Variants in YWHAQ observed in about 807,000 individuals in gnomAD.
YWHAQ encodes the protein 14-3-3 protein theta.
Under a neutral mutation model 28.3 loss-of-function variants are expected in YWHAQ, and 6 were observed. The observed-to-expected ratio is 0.21, with a 90% CI of 0.12 to 0.42. The LOEUF (loss-of-function observed/expected upper bound fraction) is 0.42. Among genes scored for constraint, YWHAQ ranks in the 10% least tolerant of loss-of-function variants. The pLI is 1.00. For synonymous variants in YWHAQ, 143 were observed against 119.1 expected, an observed-to-expected ratio of 1.20 and a Z score of -1.31; for missense variants, 201 against 305.6, an observed-to-expected ratio of 0.66 and a Z score of 2.55.
intron 2 of YWHAQ, among the ~76,000 whole-genome samples, chr2:9,607,011 A>G (rs1237234200): frequency 6.6e-6 from 1 of 151,154 alleles, no homozygotes; most frequent in Non-Finnish European, 1.5e-5. Flanking sequence ...CAGCCTCCCA[A>G]GTAGCTGGGA....
At chr2:9,590,139 G>T (rs1666429396) in intron 3 of YWHAQ, among the ~76,000 whole-genome samples, 1 of 152,200 alleles carries the variant, frequency 6.6e-6, no homozygotes, top group African/African-American at 2.4e-5. Flanking sequence ...AGGACTACGT[G>T]TGAGACCTGA....
intron 5 of YWHAQ, 140 bp downstream of exon 5, chr2:9,587,274 T>C (rs745313044): frequency 2.6e-5 from 18 of 685,030 alleles, no homozygotes; most frequent in African/African-American, 2.2e-4. Flanking sequence ...TACAAAATAA[T>C]GTTCGTCCCA....
intron 2 of YWHAQ, among the ~76,000 whole-genome samples, chr2:9,597,827 T>C (rs1027770196): frequency 6.6e-6 from 1 of 151,092 alleles, no homozygotes; most frequent in South Asian, 2.1e-4. Context: ...TTCACTCTTG[T>C]TGCCCAGGCT....
intron 2 of YWHAQ, among the ~76,000 whole-genome samples, chr2:9,594,150 T>A (rs2125063943): frequency 6.6e-6 from 1 of 152,150 alleles, no homozygotes; most frequent in South Asian, 2.1e-4. Context: ...ACACCCAAAT[T>A]AAAGGCAACT....
intron 2 of YWHAQ, among the ~76,000 whole-genome samples, chr2:9,592,721 C>G (rs902307230): frequency 6.6e-6 from 1 of 151,892 alleles, no homozygotes. Context: ...TGGACTCCAT[C>G]TCAAAAAACA....
intron 2 of YWHAQ, among the ~76,000 whole-genome samples, chr2:9,609,507 T>G (rs1330748966): frequency 1.3e-5 from 2 of 152,160 alleles, no homozygotes; most frequent in Non-Finnish European, 2.9e-5. Context: ...GAGATGTTAT[T>G]CTGGGATAAT....
At chr2:9,607,860 A>G (rs570384572) in intron 2 of YWHAQ, among the ~76,000 whole-genome samples, 7 of 151,754 alleles carry the variant, frequency 4.6e-5, no homozygotes, top group Non-Finnish European at 8.8e-5. Flanking sequence ...TACAGGTACC[A>G]GCTACCACGC....
At chr2:9,629,950 C>CG (rs1667326730) in intron 2 of YWHAQ, among the ~76,000 whole-genome samples, 1 of 151,564 alleles carries the variant, frequency 6.6e-6, no homozygotes, top group African/African-American at 2.4e-5. Flanking sequence ...GCATCTGGGG[C>CG]GAAAAAAAAG....
chr2:9,622,144 C>A (rs1009951616), intron 2 of YWHAQ, among the ~76,000 whole-genome samples: 1 of 151,690 alleles, frequency 6.6e-6, no homozygotes, highest in Non-Finnish European at 1.5e-5. Flanking sequence ...TGAAAGAAAC[C>A]TGCACGTCCT....
intron 2 of YWHAQ, among the ~76,000 whole-genome samples, chr2:9,600,797 T>C (rs1435965872): frequency 6.6e-6 from 1 of 152,118 alleles, no homozygotes; most frequent in African/African-American, 2.4e-5. Context: ...TTTTAAGCAA[T>C]TGCCACGGCC....
chr2:9,588,237 A>T lies in YWHAQ; in HGVS notation c.510T>A (p.Leu170=), dbSNP rs1384621839. 6.2e-7 allele frequency: 1 copy of T among 1,605,362 alleles called. No individual in the cohort carries two copies. The highest frequency in any genetic ancestry group is 8.5e-7 in the Non-Finnish European group (1 of 1,177,748). The change falls in exon 4 of 6, where the codon CTT becomes CTA. Residue 170 remains leucine, a synonymous_variant. Transcript: ENST00000238081. The stretch of plus-strand genomic sequence containing the variant: ...AGTAAAATACAGAAAAGTTAAGAGC[A>T]AGCCCCAGGCGGATTGGGTGTGTGG... The part of the protein sequence containing the change: ...MQPTHPIRLG[L]ALNFSVFYYE...
At chr2:9,628,930 C>T (rs1161398559) in intron 2 of YWHAQ, 2 of 151,988 alleles carry the variant, frequency 1.3e-5, no homozygotes, top group African/African-American at 4.8e-5. Context: ...TGATTTTGTC[C>T]GGATCGCCTG....
chr2:9,627,284 C>T (rs1013554093), intron 2 of YWHAQ, among the ~76,000 whole-genome samples: 31 of 152,224 alleles, frequency 2.0e-4, no homozygotes, highest in Admixed American at 1.6e-3. Context: ...AGCTATCCTT[C>T]ATGTTACTTT....
At chr2:9,612,769 A>C (rs1666974194) in intron 2 of YWHAQ, among the ~76,000 whole-genome samples, 1 of 152,182 alleles carries the variant, frequency 6.6e-6, no homozygotes, top group Admixed American at 6.5e-5. Context: ...CTCAAAGATA[A>C]AGCCACCCGA....
intron 4 of YWHAQ, among the ~76,000 whole-genome samples, 196 bp from the exon 5 acceptor site, chr2:9,587,705 T>C (rs548539834): frequency 9.8e-5 from 15 of 152,312 alleles, no homozygotes; most frequent in Non-Finnish European, 2.2e-4. Flanking sequence ...ACTATACACT[T>C]AGTAAACAAG....
intron 3 of YWHAQ, among the ~76,000 whole-genome samples, chr2:9,588,678 T>C (rs1572985453): frequency 6.6e-6 from 1 of 152,020 alleles, no homozygotes; most frequent in African/African-American, 2.4e-5. Context: ...GGCTGAGGCA[T>C]GAGAATCGCT....
intron 5 of YWHAQ, among the ~76,000 whole-genome samples, chr2:9,585,767 C>T (rs1007252836): frequency 2.0e-5 from 3 of 151,904 alleles, no homozygotes; most frequent in African/African-American, 7.3e-5. Flanking sequence ...CAAAATTGGC[C>T]AGGTACGGGG....
At chr2:9,625,790 A>C (rs1382568270) in intron 2 of YWHAQ, among the ~76,000 whole-genome samples, 1 of 152,194 alleles carries the variant, frequency 6.6e-6, no homozygotes, top group Non-Finnish European at 1.5e-5. Context: ...CCATAAAGGC[A>C]GGCACCATCA....
chr2:9,630,070 C>T lies in YWHAQ; in HGVS notation c.294+89G>A. On this transcript the variant is annotated intron_variant, in intron 2 of 5. Coordinates refer to ENST00000238081, the MANE Select transcript of YWHAQ (RefSeq NM_006826.4). This position sits in a 1 kb window ranked among gnomAD's most constrained non-coding sequence, Gnocchi z 5.6. ...ACCCCAGCAGACAGTCCGGCAAGCC[C>T]CGGCTCACGTTTGTTTCCGTGCCCG... 1 of 1,527,160 alleles carries T rather than the reference C, an allele frequency of 6.5e-7. No individual in the cohort carries two copies. The highest frequency in any genetic ancestry group is 8.9e-7 in the Non-Finnish European group (1 of 1,128,784). The allele number at this position is 1,527,160 out of a possible 1,614,324, so 94.6% of individuals were successfully genotyped here.
Sources: gnomAD v4.1 joint callset for allele counts (sites outside exome capture counted in the v4.1 genomes callset) on GRCh38, gnomAD v4.1.1 for gene constraint, Gnocchi (gnomAD v3.1) non-coding constraint, MANE v1.5 for transcripts, NCBI Gene and HGNC (gene_info 2026-07-23, HGNC 2026-07-21) for gene names.